The following TENM2 variants were observed in gnomAD, a reference collection of about 807,000 sequenced individuals.
TENM2 encodes the protein teneurin transmembrane protein 2.
In TENM2, 52 loss-of-function variants were observed where a neutral mutation model predicts 245.2. That is an observed-to-expected ratio of 0.21 (90% CI 0.17 to 0.27). The LOEUF (loss-of-function observed/expected upper bound fraction) is 0.27, where lower values mean the gene tolerates loss of function less well. TENM2 is among the 10% of genes least tolerant of loss of function. The probability of loss-of-function intolerance (pLI) is 1.00; values close to 1 mark genes in which losing one functional copy is unlikely to be tolerated. For missense variants in TENM2, 3,046 were observed against 3,666.8 expected, an observed-to-expected ratio of 0.83 and a Z score of 4.37; for synonymous variants, 1,363 against 1,438.9, an observed-to-expected ratio of 0.95 and a Z score of 1.19.
chr5:167,850,525 C>T (rs1424361910), intron 2 of TENM2, among the ~76,000 whole-genome samples: 1 of 152,116 alleles, frequency 6.6e-6, no homozygotes, highest in Non-Finnish European at 1.5e-5. Flanking sequence ...AAATTTAAAT[C>T]CTCCCGAGTT....
At chr5:168,061,803 T>C (rs910714107) in intron 6 of TENM2, among the ~76,000 whole-genome samples, 1 of 152,224 alleles carries the variant, frequency 6.6e-6, no homozygotes, top group Non-Finnish European at 1.5e-5. Context: ...GATCTGATTA[T>C]ATTTGATCAG....
At chr5:168,186,861 A>G (rs1248161097) in intron 13 of TENM2, 1 of 152,230 alleles carries the variant, frequency 6.6e-6, no homozygotes, top group East Asian at 1.9e-4. Flanking sequence ...AGGGTAATTT[A>G]CTGAAGATTG....
chr5:167,119,823 T>C, the TENM2 span, among the ~76,000 whole-genome samples: 1 of 152,198 alleles, frequency 6.6e-6, no homozygotes, highest in African/African-American at 2.4e-5. Context: ...ACCCAGCATG[T>C]CTGTTTTCTA....
At chr5:167,023,819 A>G in the TENM2 span, among the ~76,000 whole-genome samples, 1 of 152,182 alleles carries the variant, frequency 6.6e-6, no homozygotes, top group Non-Finnish European at 1.5e-5. Context: ...GTAAGTCTAT[A>G]AGTCTAGATT....
the TENM2 span, among the ~76,000 whole-genome samples, chr5:166,991,188 A>G: frequency 6.7e-6 from 1 of 149,462 alleles, no homozygotes; most frequent in East Asian, 1.9e-4. Flanking sequence ...TTTTTTTTCC[A>G]AATCTTCCTT....
Position 168,218,691 on chromosome 5 carries a change from C to A in TENM2, c.4800C>A (p.Gly1600=), listed in dbSNP as rs1763412793. The change falls in exon 23 of 29, where the codon GGC becomes GGA. Residue 1600 remains glycine (G), a synonymous_variant. Coordinates refer to ENST00000518659, the Ensembl canonical transcript of TENM2. This position sits in a 1 kb window ranked among gnomAD's most constrained non-coding sequence, Gnocchi z 5.2. The stretch of plus-strand genomic sequence containing the variant: ...AGTTATATGTTTTCAACGCTGATGG[C>A]ATCCACCAATACACTGTGAGCCTGG... 1.2e-6 allele frequency: 2 copies of A among 1,613,906 alleles called. No individual in the cohort carries two copies. The highest frequency in any genetic ancestry group is 1.7e-6 in the Non-Finnish European group (2 of 1,179,898).
At chr5:167,585,753 A>G (rs1775445780) in intron 2 of TENM2, among the ~76,000 whole-genome samples, 1 of 152,200 alleles carries the variant, frequency 6.6e-6, no homozygotes, top group Non-Finnish European at 1.5e-5. Context: ...TATTTTAATT[A>G]TAGTCAGCCC....
At chr5:167,297,957 C>T (rs980440239) in intron 1 of TENM2, among the ~76,000 whole-genome samples, 1 of 152,030 alleles carries the variant, frequency 6.6e-6, no homozygotes, top group Non-Finnish European at 1.5e-5. Context: ...GGAATGTCAT[C>T]AGTTAAGGCA....
At chr5:168,096,667 T>C (rs1261851263) in intron 8 of TENM2, among the ~76,000 whole-genome samples, 1 of 152,198 alleles carries the variant, frequency 6.6e-6, no homozygotes. Context: ...ACACATCCTT[T>C]ATCACTCTCA....
chr5:167,281,235 G>A (rs149466577), upstream of TENM2, among the ~76,000 whole-genome samples: 1 of 150,996 alleles, frequency 6.6e-6, no homozygotes, highest in African/African-American at 2.4e-5. Context: ...AGCATCTTGA[G>A]TAGCTGGGAT....
At chr5:167,172,334 G>T in the TENM2 span, among the ~76,000 whole-genome samples, 1 of 152,152 alleles carries the variant, frequency 6.6e-6, no homozygotes, top group Non-Finnish European at 1.5e-5. Context: ...AGGCAATGTG[G>T]TAAACTTGAT....
intron 2 of TENM2, among the ~76,000 whole-genome samples, chr5:167,456,653 C>T (rs1765940959): frequency 1.3e-5 from 2 of 152,156 alleles, no homozygotes; most frequent in Admixed American, 6.5e-5. Flanking sequence ...TCTTTTTACA[C>T]AAGATGGATG....
intron 2 of TENM2, among the ~76,000 whole-genome samples, chr5:167,402,162 T>A (rs760393729): frequency 3.3e-5 from 5 of 152,150 alleles, no homozygotes; most frequent in Non-Finnish European, 7.4e-5. Context: ...GTCAGCTGAT[T>A]TTTTAATCTT....
chr5:167,494,633 G>A (rs1171700672), intron 2 of TENM2, among the ~76,000 whole-genome samples: 1 of 152,098 alleles, frequency 6.6e-6, no homozygotes, highest in Non-Finnish European at 1.5e-5. Context: ...AAACAAACAT[G>A]TTTGAAGCCA....
chr5:168,250,480 G>A (rs1019056010), intron 27 of TENM2, among the ~76,000 whole-genome samples: 2 of 152,206 alleles, frequency 1.3e-5, no homozygotes, highest in Non-Finnish European at 2.9e-5. Flanking sequence ...TCGACACTCA[G>A]GTGACTGAGG....
chr5:167,879,424 C>T (rs139390174), intron 3 of TENM2, among the ~76,000 whole-genome samples: 9 of 152,206 alleles, frequency 5.9e-5, no homozygotes, highest in African/African-American at 9.6e-5. Flanking sequence ...TCTGCCAGAG[C>T]GGGTTGCTCC....
At chr5:168,118,026 C>T (rs1011623632) in intron 9 of TENM2, among the ~76,000 whole-genome samples, 2 of 152,188 alleles carry the variant, frequency 1.3e-5, no homozygotes, top group African/African-American at 2.4e-5. Flanking sequence ...AGGGTGATTA[C>T]GATGATGAAG....
chr5:167,509,705 G>A (rs1379853794), intron 2 of TENM2, among the ~76,000 whole-genome samples: 2 of 152,144 alleles, frequency 1.3e-5, no homozygotes, highest in Non-Finnish European at 2.9e-5. Context: ...CTTACCATGT[G>A]CCAGGACCCA....
chr5:167,987,713 C>T (rs1392226031), intron 4 of TENM2, among the ~76,000 whole-genome samples: 6 of 151,990 alleles, frequency 3.9e-5, no homozygotes, highest in African/African-American at 1.2e-4. Flanking sequence ...CTGAGTGCCG[C>T]GTTAAAAACA....
Sources: gnomAD v4.1 joint callset for allele counts (sites outside exome capture counted in the v4.1 genomes callset) on GRCh38, gnomAD v4.1.1 for gene constraint, Gnocchi (gnomAD v3.1) non-coding constraint, MANE v1.5 for transcripts, NCBI Gene and HGNC (gene_info 2026-07-23, HGNC 2026-07-21) for gene names.